Variants in CNTNAP2 observed in about 807,000 individuals in gnomAD.
The protein encoded by CNTNAP2 is contactin associated protein 2.
Under a neutral mutation model 155.2 loss-of-function variants are expected in CNTNAP2, and 98 were observed. That is an observed-to-expected ratio of 0.63 (90% CI 0.54 to 0.75). The LOEUF (loss-of-function observed/expected upper bound fraction) is 0.75, where lower values mean the gene tolerates loss of function less well. Ranked by LOEUF, CNTNAP2 falls within the 30% of genes least tolerant of loss-of-function variation. CNTNAP2 has a pLI of 0.00. For missense variants in CNTNAP2, 1,727 were observed against 1,688.1 expected, an observed-to-expected ratio of 1.02 and a Z score of -0.40; for synonymous variants, 651 against 631.2, an observed-to-expected ratio of 1.03 and a Z score of -0.47.
intron 13 of CNTNAP2, among the ~76,000 whole-genome samples, chr7:147,878,904 A>G (rs1799471524): frequency 6.6e-6 from 1 of 152,188 alleles, no homozygotes; most frequent in South Asian, 2.1e-4. Flanking sequence ...GGCTCAATGA[A>G]GATGTTAGTT....
At chr7:146,445,525 A>C (rs945922884) in intron 1 of CNTNAP2, among the ~76,000 whole-genome samples, 30 of 152,290 alleles carry the variant, frequency 2.0e-4, no homozygotes, top group Non-Finnish European at 3.7e-4. Flanking sequence ...TACAGGATGG[A>C]GGGAAATTTT....
chr7:147,018,784 T>C (rs541687787), intron 3 of CNTNAP2, among the ~76,000 whole-genome samples: 128 of 152,144 alleles, frequency 8.4e-4, no homozygotes, highest in Non-Finnish European at 1.7e-3. Context: ...ATGTTCTAAA[T>C]GTTGATAAGC....
chr7:146,468,933 T>TA (rs79406935), intron 1 of CNTNAP2, among the ~76,000 whole-genome samples: 3,242 of 152,092 alleles, frequency 0.021, 76 homozygotes, highest in African/African-American at 0.052. Flanking sequence ...GAAAAGTGTT[T>TA]AAAAAAAACT....
intron 13 of CNTNAP2, among the ~76,000 whole-genome samples, chr7:147,664,923 C>A (rs1157537890): frequency 6.6e-6 from 1 of 152,206 alleles, no homozygotes; most frequent in African/African-American, 2.4e-5. Context: ...ACAGTACGTG[C>A]CAGGTGGCCC....
chr7:147,589,628 T>G (rs1310438288), intron 12 of CNTNAP2, among the ~76,000 whole-genome samples: 1 of 152,160 alleles, frequency 6.6e-6, no homozygotes, highest in Non-Finnish European at 1.5e-5. Flanking sequence ...TGACATAATA[T>G]TGCCAAGACT....
intron 8 of CNTNAP2, among the ~76,000 whole-genome samples, chr7:147,208,023 G>T (rs745531141): frequency 9.9e-5 from 15 of 152,040 alleles, no homozygotes; most frequent in Non-Finnish European, 2.1e-4. Context: ...GCTATTGTTG[G>T]ATGAACACGC....
intron 1 of CNTNAP2, among the ~76,000 whole-genome samples, chr7:146,686,106 G>A (rs1204738362): frequency 1.3e-5 from 2 of 151,994 alleles, no homozygotes; most frequent in Non-Finnish European, 2.9e-5. Context: ...AGATCATCCT[G>A]GGCAACATAC....
intron 15 of CNTNAP2, among the ~76,000 whole-genome samples, chr7:148,014,585 A>T (rs139016968): frequency 1.3e-5 from 2 of 152,178 alleles, no homozygotes; most frequent in Admixed American, 6.5e-5. Context: ...TTACTCCCCA[A>T]ATATTACCAA....
chr7:148,394,413 T>C (rs1475893948), intron 22 of CNTNAP2, among the ~76,000 whole-genome samples: 1 of 152,222 alleles, frequency 6.6e-6, no homozygotes, highest in Non-Finnish European at 1.5e-5. Flanking sequence ...GAGCTTTTAT[T>C]ATCACATTTA....
intron 12 of CNTNAP2, among the ~76,000 whole-genome samples, chr7:147,577,853 C>G (rs944138340): frequency 1.3e-5 from 2 of 152,042 alleles, no homozygotes; most frequent in Non-Finnish European, 2.9e-5. Context: ...TGTCATTGTT[C>G]TCACCACCTC....
chr7:146,778,238 A>G (rs925755259), intron 2 of CNTNAP2, among the ~76,000 whole-genome samples: 3 of 152,326 alleles, frequency 2.0e-5, no homozygotes, highest in Admixed American at 2.0e-4. Flanking sequence ...TTTGGAGAGA[A>G]AGTTTATAAA....
At chr7:146,268,863 C>T (rs1186687193) in intron 1 of CNTNAP2, among the ~76,000 whole-genome samples, 5 of 152,276 alleles carry the variant, frequency 3.3e-5, no homozygotes, top group African/African-American at 1.2e-4. Flanking sequence ...GATAGTTCAA[C>T]ATACACCTGT....
intron 1 of CNTNAP2, among the ~76,000 whole-genome samples, chr7:146,748,353 G>A (rs547975622): frequency 1.1e-4 from 17 of 152,030 alleles, no homozygotes; most frequent in Admixed American, 5.2e-4. Context: ...CACCGTGTTA[G>A]CCAGGATGGT....
At chr7:147,468,241 T>C (rs1467776112) in intron 10 of CNTNAP2, among the ~76,000 whole-genome samples, 8 of 152,272 alleles carry the variant, frequency 5.3e-5, no homozygotes, top group Admixed American at 6.5e-5. Flanking sequence ...TGAGCTATGA[T>C]TGAACCACTA....
At chr7:146,590,513 C>G (rs755537146) in intron 1 of CNTNAP2, among the ~76,000 whole-genome samples, 2 of 152,140 alleles carry the variant, frequency 1.3e-5, no homozygotes, top group Non-Finnish European at 2.9e-5. Context: ...CCCTCCAACT[C>G]TTAATGACAG....
chr7:147,239,644 TAC>T (rs1803895978), intron 8 of CNTNAP2, among the ~76,000 whole-genome samples: 2 of 152,060 alleles, frequency 1.3e-5, no homozygotes, highest in African/African-American at 4.8e-5. Flanking sequence ...ACAAATACAG[TAC>T]AGTTTAAGGA....
chr7:148,263,339 T>C (rs1203846272), intron 20 of CNTNAP2: 2 of 152,216 alleles, frequency 1.3e-5, no homozygotes, highest in African/African-American at 2.4e-5. Context: ...GTGTTCATTA[T>C]GTTTTTTAGA....
chr7:147,032,076 G>A (rs961953865), intron 3 of CNTNAP2, among the ~76,000 whole-genome samples: 14 of 152,300 alleles, frequency 9.2e-5, no homozygotes, highest in African/African-American at 1.7e-4. Context: ...TGAGGGTCAC[G>A]TGAGTGATCA....
intron 8 of CNTNAP2, among the ~76,000 whole-genome samples, chr7:147,226,318 G>A (rs550780562): frequency 3.6e-4 from 55 of 152,220 alleles, no homozygotes; most frequent in African/African-American, 1.3e-3. Context: ...ACCTTCTACT[G>A]CTTGCTCTAA....
Sources: allele counts gnomAD v4.1 joint callset (sites outside exome capture counted in the v4.1 genomes callset), GRCh38; gene constraint gnomAD v4.1.1; transcripts MANE v1.5; gene names NCBI Gene and HGNC (gene_info 2026-07-23, HGNC 2026-07-21).